The following PIEZO1 variants were observed in gnomAD, a reference collection of about 807,000 sequenced individuals.
PIEZO1 encodes piezo-type mechanosensitive ion channel component 1.
PIEZO1 carries 296 observed loss-of-function variants against 297.2 expected under a neutral mutation model. The observed-to-expected ratio is 1.00, with a 90% CI of 0.91 to 1.10. The LOEUF is 1.10. PIEZO1 is among the 50% of genes least tolerant of loss of function. PIEZO1 has a pLI of 0.00. For synonymous variants in PIEZO1, 2,427 were observed against 1,507.5 expected, an observed-to-expected ratio of 1.61 and a Z score of -14.13; for missense variants, 5,018 against 3,455.5, an observed-to-expected ratio of 1.45 and a Z score of -11.34.
chr16:88,753,741 G>A (rs1196116674), intron 1 of PIEZO1, among the ~76,000 whole-genome samples: 2 of 152,252 alleles, frequency 1.3e-5, no homozygotes, highest in East Asian at 3.9e-4. Context: ...GTCTAAGTGT[G>A]TTGATGTGGC....
chr16:88,775,739 A>G (rs1430930747), intron 1 of PIEZO1, among the ~76,000 whole-genome samples: 2 of 151,660 alleles, frequency 1.3e-5, no homozygotes, highest in Non-Finnish European at 2.9e-5. Context: ...AAAAAAAAAA[A>G]AAAAAGAAAA....
rs548421094 is a variant in PIEZO1 at position 88,762,843 on chromosome 16, A to G, written c.65-13364T>C. Among the ~76,000 whole-genome samples the G allele has an allele frequency of 2.7e-3, 415 of 152,292 alleles. 2 individuals carry two copies. The highest frequency in any genetic ancestry group is 6.0e-3 in the South Asian group (29 of 4,832). On this transcript the variant is annotated intron_variant, in intron 1 of 50. Transcript: ENST00000301015. ...GGCCTAGCTGAGAAGGACAGCCACA[A>G]GGTGGTCCCTCGGCCAGCAGCTATG...
At position 88,734,439 on chromosome 16, in the gene PIEZO1, G is replaced by A. The variant is rs1905072441; in HGVS notation, c.2097C>T (p.His699=). The change falls in exon 16 of 51, where the codon CAC becomes CAT. Residue 699 remains histidine (H), a synonymous_variant. Coordinates refer to ENST00000301015, the MANE Select transcript of PIEZO1 (RefSeq NM_001142864.4). ...FFLLACILQL[H]YFHRPFMQLT... ...GCTGCATGAAGGGCCTGTGGAAGTA[G>A]TGCAGCTGCAGGATGCAGGCCAGGA... 1.3e-6 allele frequency: 2 copies of A among 1,550,010 alleles called. No homozygotes were observed. Among genetic ancestry groups the A allele is most frequent in the African/African-American group, 1.4e-5 (1 of 73,182 alleles).
At chr16:88,749,313 C>A in intron 2 of PIEZO1, 71 bp downstream of exon 2, 1 of 1,002,942 alleles carries the variant, frequency 1.0e-6, no homozygotes, top group Non-Finnish European at 1.4e-6. Context: ...GAAAGCTGTA[C>A]GAATTTTGGC....
intron 44 of PIEZO1, 39 bp downstream of exon 44, chr16:88,719,535 C>T (rs1368805142): frequency 3.3e-6 from 5 of 1,526,654 alleles, no homozygotes; most frequent in East Asian, 2.4e-5. Flanking sequence ...AGGGCATATC[C>T]CTGGCCCTTG....
At position 88,736,277 on chromosome 16, in the gene PIEZO1, C is replaced by A. The variant is rs374207686; in HGVS notation, c.1428G>T (p.Thr476=). ...CSPCILLYGM[T]LCCLRYVWAM... is the part of the protein sequence containing the mutation. ...CCCACACGTAGCGTAGGCAGCACAG[C>A]GTCATCCCATACAGCAGGATGCAGG... The change falls in exon 12 of 51, where the codon ACG becomes ACT. Residue 476 remains threonine, a synonymous_variant. Transcript: ENST00000301015. 1.4e-5 allele frequency: 21 copies of A among 1,550,056 alleles called. No homozygotes were observed. Among genetic ancestry groups the A allele is most frequent in the Non-Finnish European group, 1.5e-5 (17 of 1,146,844 alleles).
In PIEZO1 at chr16:88,727,413, TGC is replaced by T. The variant is rs1192767066; in HGVS notation, c.3301+142_3301+143del. On this transcript the variant is annotated intron_variant, in intron 23 of 50. Coordinates refer to ENST00000301015, the MANE Select transcript of PIEZO1 (RefSeq NM_001142864.4). The stretch of plus-strand genomic sequence containing the variant: ...ACAGGCTGAGGTCTGCGTGCGTGCG[TGC>T]GAGGTCAGGGCCTGCAGGCCGCCAT... 4 of 648,908 alleles carry T rather than the reference TGC, an allele frequency of 6.2e-6. No homozygotes were observed. In the African/African-American group the frequency reaches 7.4e-5, roughly 12 times the overall value. The allele number at this position is 648,908 out of a possible 1,614,324, so 40.2% of individuals were successfully genotyped here.
At chr16:88,784,213 C>T (rs1908067079) in intron 1 of PIEZO1, among the ~76,000 whole-genome samples, 1 of 152,248 alleles carries the variant, frequency 6.6e-6, no homozygotes, top group African/African-American at 2.4e-5. Flanking sequence ...AGGCCACAGC[C>T]TCCGGGGGTG....
intron 22 of PIEZO1, among the ~76,000 whole-genome samples, chr16:88,728,003 G>A (rs1005567767): frequency 6.6e-6 from 1 of 152,232 alleles, no homozygotes; most frequent in Non-Finnish European, 1.5e-5. Flanking sequence ...ACGGCCAGAA[G>A]CTGCACGGAC....
rs151261820 is a variant in PIEZO1, at chr16:88,762,039, G to A, written c.65-12560C>T. Among the ~76,000 whole-genome samples the A allele has an allele frequency of 3.5e-3, 528 of 152,328 alleles. 2 individuals carry two copies. Among genetic ancestry groups the A allele is most frequent in the African/African-American group, 0.012 (511 of 41,572 alleles). ...GGGCTTATCTGGGCAGCCATCTCTG[G>A]CGCAGATACAGGTAAATAGGTGGGG... On this transcript the variant is annotated intron_variant, in intron 1 of 50. Coordinates refer to ENST00000301015, the MANE Select transcript of PIEZO1 (RefSeq NM_001142864.4).
In PIEZO1 at chr16:88,735,044, C is replaced by T. The variant is rs371837534; in HGVS notation, c.1679G>A (p.Arg560Gln). ...CAGGCTCTGCAACAGCGTCTGCGTCCGCGTGGGCTCTGTGGGCCAAGCCAG... is the reference window on the plus strand; with the variant it reads ...CAGGCTCTGCAACAGCGTCTGCGTCTGCGTGGGCTCTGTGGGCCAAGCCAG... The part of the protein sequence containing the change: ...EVTVADTEPT[R>Q]TQTLLQSLGE... The change falls in exon 14 of 51, where the codon CGG becomes CAG. Residue 560 changes from arginine (R) to glutamine (Q), a missense_variant. Arg to Gln is a conservative substitution (Grantham distance 43). Transcript: ENST00000301015. 8.7e-5 allele frequency: 135 copies of T among 1,550,372 alleles called. No homozygotes were observed. In the African/African-American group the frequency reaches 1.1e-3, roughly 13 times the overall value.
In PIEZO1 at chr16:88,783,068, T is replaced by C. The variant is rs1908009065; in HGVS notation, c.64+1833A>G. On this transcript the variant is annotated intron_variant, in intron 1 of 50. Transcript: ENST00000301015. ...CAGACAGACAGTCAGTCATCACTAT[T>C]CTTTAAAAGTTTCATAGAAGACTGA... Among the ~76,000 whole-genome samples, 3 of 152,232 alleles carry C rather than the reference T, an allele frequency of 2.0e-5. No homozygotes were observed. In the South Asian group the frequency reaches 6.2e-4, roughly 32 times the overall value.
intron 1 of PIEZO1, among the ~76,000 whole-genome samples, chr16:88,758,497 G>T (rs568202317): frequency 6.6e-6 from 1 of 152,314 alleles, no homozygotes; most frequent in South Asian, 2.1e-4. Context: ...ATGCGTAACT[G>T]CTTCTCCCTG....
At chr16:88,716,934 G>T in intron 45 of PIEZO1, 36 bp from the exon 46 acceptor site, 3 of 1,545,290 alleles carry the variant, frequency 1.9e-6, no homozygotes, top group Non-Finnish European at 2.6e-6. Context: ...CCACGAAGAT[G>T]AGCGTGGAGG....
intron 1 of PIEZO1, among the ~76,000 whole-genome samples, chr16:88,760,755 G>A (rs901796447): frequency 1.5e-4 from 23 of 152,252 alleles, no homozygotes; most frequent in African/African-American, 5.1e-4. Context: ...GGGCCCGAGG[G>A]GAGCCACCCG....
At chr16:88,742,683 C>T (rs972164972) in intron 2 of PIEZO1, 1 of 487,182 alleles carries the variant, frequency 2.1e-6, no homozygotes, top group Non-Finnish European at 3.7e-6. Flanking sequence ...CAGGAAAAGG[C>T]CTCCCAGGCT....
Position 88,735,264 on chromosome 16 carries a change from TG to T in PIEZO1, c.1558-19del, listed in dbSNP as rs970891081. On this transcript the variant is annotated intron_variant, in intron 12 of 50. Transcript: ENST00000301015. ...TAGAGCAACTGTGACAAGCGCAGGGTGTCACAGTCAGCCGGGGGGCCCAGCA... is the reference window on the plus strand; with the variant it reads ...TAGAGCAACTGTGACAAGCGCAGGGTTCACAGTCAGCCGGGGGGCCCAGCA... The T allele has an allele frequency of 2.0e-5, 30 of 1,527,230 alleles. No individual in the cohort carries two copies. The Admixed American group carries it at 5.5e-4, about 28-fold the overall frequency. 94.6% of individuals were successfully genotyped at this position (1,527,230 alleles called of 1,614,324 possible).
chr16:88,779,256 C>T (rs765038059), intron 1 of PIEZO1, among the ~76,000 whole-genome samples: 9 of 152,074 alleles, frequency 5.9e-5, no homozygotes, highest in Non-Finnish European at 1.0e-4. Context: ...TCAGGCTGGT[C>T]TCGAACTCCT....
rs1178482935 is a variant in PIEZO1 at position 88,720,094 on chromosome 16, A to C, written c.6139T>G (p.Phe2047Val). The C allele has an allele frequency of 1.9e-6, 3 of 1,550,230 alleles. No homozygotes were observed. The highest frequency in any genetic ancestry group is 2.6e-6 in the Non-Finnish European group (3 of 1,146,978). ...LVLAIHLWMFFILPAVTERMF... is the reference protein window; with the variant it reads ...LVLAIHLWMFVILPAVTERMF... ...CTCTCAGTGACGGCGGGCAGGATGA[A>C]GAACATCCATAGGTGGATGGCCAGC... Residue 2047 changes from phenylalanine to valine, a missense_variant, in exon 42 of 51, where the codon TTC becomes GTC. By Grantham distance (50) the Phe-to-Val change is conservative. Transcript: ENST00000301015.
Sources: gnomAD v4.1 joint callset for allele counts (sites outside exome capture counted in the v4.1 genomes callset) on GRCh38, gnomAD v4.1.1 for gene constraint, MANE v1.5 for transcripts, NCBI Gene and HGNC (gene_info 2026-07-23, HGNC 2026-07-21) for gene names.